DENND1B: variants seen among roughly 807,000 people sequenced by gnomAD.
DENND1B encodes DENN domain containing 1B, also known as DENN domain-containing protein 1B.
In DENND1B, 59 loss-of-function variants were observed where a neutral mutation model predicts 90.1. The observed-to-expected ratio is 0.65, with a 90% confidence interval of 0.53 to 0.81. The LOEUF is 0.81. Ranked by LOEUF, DENND1B falls within the 40% of genes least tolerant of loss-of-function variation. The pLI is 0.00. For missense variants in DENND1B, 862 were observed against 912.6 expected (o/e 0.94, Z 0.71); for synonymous variants, 337 against 324.6 (o/e 1.04, Z -0.41).
intron 11 of DENND1B, among the ~76,000 whole-genome samples, chr1:197,616,790 A>G (rs1328923919): frequency 6.6e-6 from 1 of 151,214 alleles, no homozygotes; most frequent in Non-Finnish European, 1.5e-5. Flanking sequence ...ATAAGCAAAC[A>G]CATTAAGGTC....
intron 3 of DENND1B, among the ~76,000 whole-genome samples, chr1:197,681,445 T>A (rs978950065): frequency 6.6e-6 from 1 of 152,142 alleles, no homozygotes; most frequent in Non-Finnish European, 1.5e-5. Flanking sequence ...AAGGGGGACA[T>A]ACTGATCAAA....
intron 2 of DENND1B, among the ~76,000 whole-genome samples, chr1:197,721,586 G>A (rs879678643): frequency 6.6e-6 from 1 of 152,016 alleles, no homozygotes; most frequent in Non-Finnish European, 1.5e-5. Context: ...GGGCAGGGGA[G>A]AACATTCTAG....
At chr1:197,761,907 T>C (rs1402836161) in intron 2 of DENND1B, 4 of 149,888 alleles carry the variant, frequency 2.7e-5, no homozygotes, top group Admixed American at 2.6e-4. Flanking sequence ...ACAGCTCTAT[T>C]TAAAAAAAAA....
chr1:197,643,447 C>A (rs1281491315), intron 9 of DENND1B, among the ~76,000 whole-genome samples: 1 of 152,122 alleles, frequency 6.6e-6, no homozygotes. Flanking sequence ...TGAGACACCA[C>A]ACCTGGCCAA....
intron 6 of DENND1B, among the ~76,000 whole-genome samples, chr1:197,656,867 A>G (rs1553317112): frequency 6.6e-6 from 1 of 152,196 alleles, no homozygotes; most frequent in Non-Finnish European, 1.5e-5. Context: ...ATTATCCCAT[A>G]GAATTTTGTT....
chr1:197,544,969 GAGGA>G, intron 18 of DENND1B, among the ~76,000 whole-genome samples: 2 of 44,184 alleles, frequency 4.5e-5, no homozygotes, highest in Non-Finnish European at 1.0e-4. Flanking sequence ...GAAGGAGAAG[GAGGA>G]AGGAGGAAGG....
intron 20 of DENND1B, among the ~76,000 whole-genome samples, chr1:197,530,055 T>C (rs1036337314): frequency 6.6e-6 from 1 of 152,220 alleles, no homozygotes; most frequent in Non-Finnish European, 1.5e-5. Context: ...CCTTGACATT[T>C]ATTTAAGCCT....
intron 3 of DENND1B, among the ~76,000 whole-genome samples, chr1:197,691,296 A>AAAG (rs1657852906): frequency 6.6e-6 from 1 of 151,984 alleles, no homozygotes; most frequent in Non-Finnish European, 1.5e-5. Flanking sequence ...AAAATTGATC[A>AAAG]AAGGACTTAA....
At chr1:197,557,777 A>T (rs1266707736) in intron 15 of DENND1B, among the ~76,000 whole-genome samples, 2 of 151,850 alleles carry the variant, frequency 1.3e-5, no homozygotes. Flanking sequence ...ATTCAATAAC[A>T]GCTATTTTTC....
chr1:197,655,543 T>A (rs1209719612), intron 6 of DENND1B, among the ~76,000 whole-genome samples: 5 of 151,942 alleles, frequency 3.3e-5, no homozygotes. Context: ...TTTTTTTTTT[T>A]TTTTTTGAGA....
chr1:197,612,556 C>T (rs1677277900), intron 11 of DENND1B, among the ~76,000 whole-genome samples: 1 of 150,604 alleles, frequency 6.6e-6, no homozygotes, highest in African/African-American at 2.4e-5. Flanking sequence ...ACTTCCTCAC[C>T]TACTGTGCTA....
chr1:197,509,820 A>T lies in DENND1B; in HGVS notation c.*640T>A, dbSNP rs1667902803. The stretch of plus-strand genomic sequence containing the variant: ...GAATGAAAGGTAAGTGTATATTTTT[A>T]TACTTTTTGGAAAACATGGCTATAG... On this transcript the variant is annotated 3_prime_UTR_variant, in exon 23 of 23. Coordinates refer to ENST00000620048, the MANE Select transcript of DENND1B (RefSeq NM_001195215.2). The T allele has an allele frequency of 6.6e-6, 1 of 152,172 alleles. No homozygotes were observed. The highest frequency in any genetic ancestry group is 1.5e-5 in the Non-Finnish European group (1 of 67,820). 9.4% of individuals were successfully genotyped at this position (152,172 alleles called of 1,614,324 possible).
In DENND1B at chr1:197,721,065, A is replaced by ATTTT. The variant is rs11371047; in HGVS notation, c.83-5995_83-5992dup. Among the ~76,000 whole-genome samples the ATTTT allele has an allele frequency of 5.6e-3, 549 of 98,904 alleles. 8 individuals are homozygous for ATTTT. Among genetic ancestry groups the ATTTT allele is most frequent in the African/African-American group, 6.9e-3 (168 of 24,484 alleles). 64.9% of individuals were successfully genotyped at this position (98,904 alleles called of 152,430 possible). ...TTCTGAGGTGGGCCTGAGAAACGGC[A>ATTTT]TTTTTTTTTTTTTTTTTTTTTTGAG... On this transcript the variant is annotated intron_variant, in intron 2 of 22. Coordinates refer to ENST00000620048, the MANE Select transcript of DENND1B (RefSeq NM_001195215.2).
chr1:197,540,101 T>C (rs943147074), intron 19 of DENND1B, 30 bp from the exon 20 acceptor site: 13 of 1,485,702 alleles, frequency 8.8e-6, no homozygotes, highest in Admixed American at 5.4e-5. Context: ...CAGGCAATAA[T>C]TGTAAAGTAC....
At chr1:197,750,495 T>C (rs1653324476) in intron 2 of DENND1B, among the ~76,000 whole-genome samples, 1 of 152,096 alleles carries the variant, frequency 6.6e-6, no homozygotes, top group African/African-American at 2.4e-5. Context: ...ACCATATCAA[T>C]AATTACACTG....
At chr1:197,552,884 G>C in intron 16 of DENND1B, 138 bp downstream of exon 16, 1 of 1,454,056 alleles carries the variant, frequency 6.9e-7, no homozygotes, top group South Asian at 1.5e-5. Flanking sequence ...TTTATAAGAT[G>C]AAAAATGTAT....
chr1:197,716,497 T>C (rs1046789171), intron 2 of DENND1B, among the ~76,000 whole-genome samples: 1 of 151,690 alleles, frequency 6.6e-6, no homozygotes, highest in Non-Finnish European at 1.5e-5. Context: ...CACTCAAACA[T>C]AAATATCTTG....
chr1:197,734,229 A>T (rs1255267026), intron 2 of DENND1B: 1 of 892,880 alleles, frequency 1.1e-6, no homozygotes, highest in African/African-American at 1.8e-5. Context: ...TGAAAAGAGT[A>T]TATAAACCAA....
chr1:197,652,310 A>G lies in DENND1B; in HGVS notation c.372T>C (p.Asn124=), dbSNP rs367711318. ...LADYLAKELE[N]DLNETLRSLY... ...GTGATCTGAGAGTTTCATTCAAATC[A>G]TTTTCCTAGGGCAAAAGAAAAAGTA... is the stretch of plus-strand genomic sequence containing the variant. The change falls in exon 7 of 23, where the codon AAT becomes AAC. Residue 124 remains asparagine (N), a synonymous_variant. Transcript: ENST00000620048. The G allele has an allele frequency of 4.7e-5, 76 of 1,609,420 alleles. No individual in the cohort carries two copies. The highest frequency in any genetic ancestry group is 6.0e-5 in the Non-Finnish European group (71 of 1,178,524).
Sources: allele counts gnomAD v4.1 joint callset (sites outside exome capture counted in the v4.1 genomes callset), GRCh38; gene constraint gnomAD v4.1.1; transcripts MANE v1.5; gene names NCBI Gene and HGNC (gene_info 2026-07-23, HGNC 2026-07-21).